The following RYR3 variants were observed in gnomAD, a reference collection of about 807,000 sequenced individuals.
The protein encoded by RYR3 is brain ryanodine receptor-calcium release channel.
In RYR3, 207 loss-of-function variants were observed where a neutral mutation model predicts 584.3. The ratio of observed to expected loss-of-function variants is 0.35; its 90% CI spans 0.32 to 0.40. The LOEUF is 0.40. Among genes scored for constraint, RYR3 ranks in the 10% least tolerant of loss-of-function variants. RYR3 has a pLI of 1.00. For synonymous variants in RYR3, 2,416 were observed against 2,248.5 expected (o/e 1.07, Z -2.11); for missense variants, 5,616 against 6,089.2 (o/e 0.92, Z 2.59).
intron 27 of RYR3, among the ~76,000 whole-genome samples, chr15:33,643,953 C>A (rs1312127126): frequency 6.6e-6 from 1 of 152,084 alleles, no homozygotes; most frequent in African/African-American, 2.4e-5. Context: ...TTTCCCAGGG[C>A]CTGAGATCAA....
intron 87 of RYR3, among the ~76,000 whole-genome samples, chr15:33,835,744 T>C (rs2078002287): frequency 6.6e-6 from 1 of 152,222 alleles, no homozygotes; most frequent in Non-Finnish European, 1.5e-5. Context: ...ATGTGCTATT[T>C]AACCTTTCAT....
intron 3 of RYR3, among the ~76,000 whole-genome samples, chr15:33,518,066 A>G (rs1334821929): frequency 5.3e-5 from 8 of 152,214 alleles, no homozygotes; most frequent in East Asian, 1.9e-4. Flanking sequence ...TGACTGGACA[A>G]TGATAGAGTT....
chr15:33,683,665 C>G (rs528664160), intron 38 of RYR3, among the ~76,000 whole-genome samples: 3 of 152,344 alleles, frequency 2.0e-5, no homozygotes, highest in Admixed American at 6.5e-5. Flanking sequence ...GAGGGTGAGC[C>G]AAAGCAGGGT....
At chr15:33,578,774 A>AAAACAC (rs1555536814) in intron 12 of RYR3, among the ~76,000 whole-genome samples, 3 of 140,044 alleles carry the variant, frequency 2.1e-5, no homozygotes. Context: ...ATAAAAAAAA[A>AAAACAC]AAAACAACAA....
chr15:33,761,413 G>C (rs2072437127), intron 60 of RYR3, among the ~76,000 whole-genome samples: 1 of 152,008 alleles, frequency 6.6e-6, no homozygotes, highest in Non-Finnish European at 1.5e-5. Context: ...AATGATAAAG[G>C]GGATATCACC....
At chr15:33,425,366 TGTC>T (rs1002980990) in intron 1 of RYR3, among the ~76,000 whole-genome samples, 1 of 152,218 alleles carries the variant, frequency 6.6e-6, no homozygotes, top group Non-Finnish European at 1.5e-5. Flanking sequence ...TGACTCCTCC[TGTC>T]GTCATTGTAT....
At chr15:33,620,839 T>C (rs2060690804) in intron 19 of RYR3, among the ~76,000 whole-genome samples, 1 of 152,212 alleles carries the variant, frequency 6.6e-6, no homozygotes, top group South Asian at 2.1e-4. Context: ...TCAATCTGCC[T>C]GCTGAGGGCA....
chr15:33,669,841 TGTGG>T (rs2063711627), intron 37 of RYR3, among the ~76,000 whole-genome samples: 1 of 9,398 alleles, frequency 1.1e-4, no homozygotes, highest in African/African-American at 3.9e-4. Flanking sequence ...GGTGTGTGTG[TGTGG>T]GGGGGGGGGG....
At chr15:33,516,465 C>A (rs1048177689) in intron 3 of RYR3, among the ~76,000 whole-genome samples, 3 of 151,566 alleles carry the variant, frequency 2.0e-5, no homozygotes, top group African/African-American at 7.3e-5. Context: ...TGCCTCAGCC[C>A]CCCGAGTAGC....
chr15:33,770,501 C>T (rs2073481016), intron 62 of RYR3, among the ~76,000 whole-genome samples: 1 of 152,286 alleles, frequency 6.6e-6, no homozygotes, highest in Middle Eastern at 3.4e-3. Context: ...CCTGTAATCC[C>T]AGCACTTTGG....
chr15:33,755,476 G>T (rs1485998798), intron 58 of RYR3, among the ~76,000 whole-genome samples: 1 of 152,140 alleles, frequency 6.6e-6, no homozygotes, highest in Non-Finnish European at 1.5e-5. Flanking sequence ...AAAAAAATTA[G>T]CTGAGTGTGG....
chr15:33,700,808 T>C (rs955726265), intron 41 of RYR3, among the ~76,000 whole-genome samples, 169 bp from the exon 42 acceptor site: 4 of 152,196 alleles, frequency 2.6e-5, no homozygotes, highest in African/African-American at 9.6e-5. Flanking sequence ...GGATAGCTAA[T>C]AGAGCTGTTC....
intron 12 of RYR3, among the ~76,000 whole-genome samples, chr15:33,572,111 C>T (rs187268070): frequency 5.9e-5 from 9 of 152,232 alleles, no homozygotes; most frequent in African/African-American, 1.9e-4. Flanking sequence ...AATATTGCCA[C>T]ATATATTATA....
chr15:33,550,279 A>T lies in RYR3; in HGVS notation c.935A>T (p.Asp312Val). ...GLILQDRAKS[D>V]TKSTAFSFRA... is the part of the protein sequence containing the mutation. ...ATACTGCAAGACCGGGCAAAGTCAG[A>T]CACCAAGTCCACAGCTTTCTCTTTC... Residue 312 changes from aspartate to valine, a missense_variant, in exon 10 of 104, where the codon GAC becomes GTC. This residue lies in a region of RYR3 where 1,284 missense variants were observed against 1,344.6 expected (regional missense o/e 0.95). Coordinates refer to ENST00000634891, the MANE Select transcript of RYR3 (RefSeq NM_001036.6). The T allele has an allele frequency of 6.2e-7, 1 of 1,613,524 alleles. No homozygotes were observed. The highest frequency in any genetic ancestry group is 8.5e-7 in the Non-Finnish European group (1 of 1,179,722).
intron 91 of RYR3, 87 bp downstream of exon 91, chr15:33,842,122 T>C: frequency 7.0e-7 from 1 of 1,419,430 alleles, no homozygotes; most frequent in Non-Finnish European, 9.6e-7. Context: ...GTTTCACTGT[T>C]TGGTCAGTTA....
Position 33,756,383 on chromosome 15 carries a change from C to T in RYR3, c.8583+10C>T, listed in dbSNP as rs894565087. On this transcript the variant is annotated intron_variant, in intron 59 of 103. Transcript: ENST00000634891. ...CAAATTCTTTGCCAAAGTAAGTGGC[C>T]CTGCACTTAATCAAATTACTTTCTT... 2 of 1,554,542 alleles carry T rather than the reference C, an allele frequency of 1.3e-6. No individual in the cohort carries two copies. Among genetic ancestry groups the T allele is most frequent in the Non-Finnish European group, 1.7e-6 (2 of 1,144,042 alleles).
At chr15:33,841,621 A>G (rs1027773686) in intron 90 of RYR3, among the ~76,000 whole-genome samples, 4 of 152,250 alleles carry the variant, frequency 2.6e-5, no homozygotes, top group Non-Finnish European at 4.4e-5. Flanking sequence ...TGTTAAGTCT[A>G]ATTTCAGAAG....
intron 46 of RYR3, 97 bp downstream of exon 46, chr15:33,726,603 C>T: frequency 3.0e-6 from 4 of 1,333,318 alleles, no homozygotes; most frequent in Non-Finnish European, 3.0e-6. Context: ...CAGGCCCTGA[C>T]TTGCAGGGCG....
chr15:33,814,689 A>C (rs2076715265), intron 74 of RYR3, among the ~76,000 whole-genome samples: 1 of 152,106 alleles, frequency 6.6e-6, no homozygotes, highest in South Asian at 2.1e-4. Flanking sequence ...ACTTAAGGTC[A>C]GGAGATTGAG....
Sources: gnomAD v4.1 joint callset for allele counts (sites outside exome capture counted in the v4.1 genomes callset) on GRCh38, gnomAD v4.1.1 for gene constraint, gnomAD v4.1.1 regional missense constraint, MANE v1.5 for transcripts, NCBI Gene and HGNC (gene_info 2026-07-23, HGNC 2026-07-21) for gene names.